Variants in RIPOR2 observed in about 807,000 individuals in gnomAD.
RIPOR2 encodes the protein RHO family interacting cell polarization regulator 2, also known as rho family-interacting cell polarization regulator 2.
A neutral mutation model predicts 114.5 loss-of-function variants in RIPOR2; 39 were observed. That is an observed-to-expected ratio of 0.34 (90% CI 0.26 to 0.44). The LOEUF is 0.44. Ranked by LOEUF, RIPOR2 falls within the 20% of genes least tolerant of loss-of-function variation. RIPOR2 has a pLI of 1.00. For missense variants in RIPOR2, 1,007 were observed against 1,255.1 expected (o/e 0.80, Z 2.99); for synonymous variants, 445 against 484.4 (o/e 0.92, Z 1.07).
intron 1 of RIPOR2, among the ~76,000 whole-genome samples, chr6:25,016,153 C>T (rs768759541): frequency 6.6e-6 from 1 of 151,916 alleles, no homozygotes; most frequent in African/African-American, 2.4e-5. Flanking sequence ...GTGATTCACC[C>T]GCCTCGGGCT....
chr6:25,011,920 A>T (rs1280516666), intron 1 of RIPOR2, among the ~76,000 whole-genome samples: 6 of 152,364 alleles, frequency 3.9e-5, no homozygotes, highest in Non-Finnish European at 2.9e-5. Flanking sequence ...ATTTCAAAAG[A>T]CACTAGTAAG....
intron 1 of RIPOR2, among the ~76,000 whole-genome samples, chr6:24,942,199 G>A (rs1772169994): frequency 6.6e-6 from 1 of 152,164 alleles, no homozygotes; most frequent in Admixed American, 6.5e-5. Flanking sequence ...TTTATTTAAT[G>A]ACTAGTACTT....
chr6:24,954,456 CT>C (rs10667748), intron 1 of RIPOR2, among the ~76,000 whole-genome samples: 16 of 132,394 alleles, frequency 1.2e-4, no homozygotes, highest in Non-Finnish European at 2.0e-4. Context: ...TCTCTCTCTC[CT>C]TTTTTTTTTT....
intron 1 of RIPOR2, among the ~76,000 whole-genome samples, chr6:24,975,553 C>A (rs1190076137): frequency 2.0e-5 from 3 of 152,130 alleles, no homozygotes; most frequent in African/African-American, 7.2e-5. Context: ...CCCAGTGGTG[C>A]ACACCTGTAG....
chr6:24,832,387 A>G lies in RIPOR2; in HGVS notation c.2213T>C (p.Ile738Thr), dbSNP rs1447519144. 5 of 1,552,008 alleles carry G rather than the reference A, an allele frequency of 3.2e-6. No individual in the cohort carries two copies. Among genetic ancestry groups the G allele is most frequent in the Non-Finnish European group, 4.4e-6 (5 of 1,147,042 alleles). The stretch of plus-strand genomic sequence containing the variant: ...AAATGGGGTTTTGCTTGAGAAAACA[A>G]TTTGCTGGTAAAACAAACAAAACTC... ...LQYCTQLVQQ[I>T]VFSSKTPFVA... Residue 738 changes from isoleucine (I) to threonine (T), a missense_variant, in exon 16 of 22, where the codon ATT becomes ACT. Ile to Thr is a moderately conservative substitution (Grantham distance 89). Transcript: ENST00000643898.
At chr6:24,941,717 A>C (rs1311935833) in intron 1 of RIPOR2, among the ~76,000 whole-genome samples, 1 of 152,164 alleles carries the variant, frequency 6.6e-6, no homozygotes, top group Non-Finnish European at 1.5e-5. Context: ...CTGATAATAA[A>C]ATTTACCTCT....
At chr6:25,024,528 G>C (rs1184652613) in intron 1 of RIPOR2, 1 of 649,952 alleles carries the variant, frequency 1.5e-6, no homozygotes, top group Non-Finnish European at 2.8e-6. Flanking sequence ...TCTGGAATCT[G>C]TCTTCAGGGT....
At position 24,989,546 on chromosome 6, in the gene RIPOR2, C is replaced by T. The variant is rs183415666; in HGVS notation, c.76+52305G>A. Among the ~76,000 whole-genome samples the T allele has an allele frequency of 9.0e-4, 137 of 151,938 alleles. 1 individual carries two copies. The highest frequency in any genetic ancestry group is 1.4e-3 in the Non-Finnish European group (96 of 67,956). Reference sequence around the variant, plus strand: ...TCCTGACCTGGTGATCCGCCCACCTCGGCCTCCCAAAGTGCTGGGATTATA... The same window carrying T: ...TCCTGACCTGGTGATCCGCCCACCTTGGCCTCCCAAAGTGCTGGGATTATA... On this transcript the variant is annotated intron_variant, in intron 1 of 13. Coordinates refer to the RIPOR2 transcript ENST00000510784.
Position 24,962,372 on chromosome 6 carries a change from A to T in RIPOR2, c.76+79479T>A, listed in dbSNP as rs140427426. ...GATTATTCTTCCTGTGACATAAATTATGGTTTGGGGAGGAGAGAGTTTGGA... is the reference window on the plus strand; with the variant it reads ...GATTATTCTTCCTGTGACATAAATTTTGGTTTGGGGAGGAGAGAGTTTGGA... On this transcript the variant is annotated intron_variant, in intron 1 of 13. Transcript: ENST00000510784. Among the ~76,000 whole-genome samples, 299 of 152,290 alleles carry T rather than the reference A, an allele frequency of 2.0e-3. 4 individuals carry two copies. The highest frequency in any genetic ancestry group is 0.019 in the East Asian group (99 of 5,176).
intron 1 of RIPOR2, among the ~76,000 whole-genome samples, chr6:24,990,143 G>C (rs536398311): frequency 1.3e-5 from 2 of 152,278 alleles, no homozygotes; most frequent in Admixed American, 1.3e-4. Flanking sequence ...TCAGTTCCTG[G>C]ACATTTTCTC....
chr6:24,878,873 A>T (rs564584411), intron 1 of RIPOR2, among the ~76,000 whole-genome samples: 1 of 142,336 alleles, frequency 7.0e-6, no homozygotes, highest in South Asian at 2.2e-4. Flanking sequence ...CTCTTTCATT[A>T]AATGAATTAA....
intron 12 of RIPOR2, among the ~76,000 whole-genome samples, chr6:24,845,508 T>C (rs950524323): frequency 3.3e-5 from 5 of 152,090 alleles, no homozygotes; most frequent in African/African-American, 1.2e-4. Context: ...AGACACTGGG[T>C]ATGGCAGGGA....
At chr6:24,964,551 A>AT (rs1436658928) in intron 1 of RIPOR2, among the ~76,000 whole-genome samples, 2 of 152,300 alleles carry the variant, frequency 1.3e-5, no homozygotes, top group Non-Finnish European at 2.9e-5. Context: ...ACTGGGAGAC[A>AT]TTTTGGTTGT....
chr6:24,961,792 A>AT (rs1773321671), intron 1 of RIPOR2, among the ~76,000 whole-genome samples: 1 of 151,732 alleles, frequency 6.6e-6, no homozygotes, highest in Non-Finnish European at 1.5e-5. Context: ...TGCCTGGCTA[A>AT]TTTTTTGTAT....
chr6:24,852,201 G>A (rs1763026074), intron 9 of RIPOR2, among the ~76,000 whole-genome samples: 1 of 152,138 alleles, frequency 6.6e-6, no homozygotes, highest in Non-Finnish European at 1.5e-5. Context: ...GGCAGAGGTT[G>A]CAGTGAGCTG....
intron 18 of RIPOR2, 119 bp from the exon 19 acceptor site, chr6:24,825,547 T>TG: frequency 1.5e-6 from 1 of 689,354 alleles, no homozygotes; most frequent in South Asian, 1.9e-5. Context: ...CCAATACATA[T>TG]GAAAAATTAG....
intron 10 of RIPOR2, among the ~76,000 whole-genome samples, chr6:24,850,392 G>A (rs975541019): frequency 6.6e-6 from 1 of 152,148 alleles, no homozygotes; most frequent in African/African-American, 2.4e-5. Flanking sequence ...ACTACACTAC[G>A]CCTGGCCAGA....
chr6:24,806,189 G>A lies in RIPOR2; in HGVS notation c.*184C>T, dbSNP rs1331028031. 8.5e-6 allele frequency: 5 copies of A among 589,350 alleles called. No homozygotes were observed. The highest frequency in any genetic ancestry group is 1.2e-5 in the Non-Finnish European group (4 of 337,118). The allele number at this position is 589,350 out of a possible 1,614,324, so 36.5% of individuals were successfully genotyped here. A position where few individuals can be genotyped will look rare whatever the true frequency, so the allele number is the denominator to read the frequency against. On this transcript the variant is annotated 3_prime_UTR_variant, in exon 22 of 22. Coordinates refer to ENST00000643898, the MANE Select transcript of RIPOR2 (RefSeq NM_001286445.3). Reference sequence around the variant, plus strand: ...TTGGTCTTGAACCTCCTGGGCTTAAGCAATTCTCCTGCGTTGGCCTCCCAA... The same window carrying A: ...TTGGTCTTGAACCTCCTGGGCTTAAACAATTCTCCTGCGTTGGCCTCCCAA...
intron 18 of RIPOR2, among the ~76,000 whole-genome samples, chr6:24,827,491 G>C (rs539076872): frequency 1.4e-4 from 21 of 152,292 alleles, no homozygotes; most frequent in African/African-American, 4.6e-4. Context: ...ATTGGTCAAG[G>C]CTCTGTGGAT....
Sources: gnomAD v4.1 joint callset for allele counts (sites outside exome capture counted in the v4.1 genomes callset) on GRCh38, gnomAD v4.1.1 for gene constraint, MANE v1.5 for transcripts, NCBI Gene and HGNC (gene_info 2026-07-23, HGNC 2026-07-21) for gene names.